GALNT8: variants seen among roughly 807,000 people sequenced by gnomAD.
The protein encoded by GALNT8 is polypeptide N-acetylgalactosaminyltransferase 8.
A neutral mutation model predicts 62.7 loss-of-function variants in GALNT8; 66 were observed. That is an observed-to-expected ratio of 1.05 (90% CI 0.86 to 1.29). The LOEUF (loss-of-function observed/expected upper bound fraction) is 1.29, where lower values mean the gene tolerates loss of function less well. GALNT8 is among the 50% of genes most tolerant of loss of function. GALNT8 has a pLI of 0.00. For synonymous variants in GALNT8, 288 were observed against 294.3 expected (o/e 0.98, Z 0.22); for missense variants, 771 against 791.8 (o/e 0.97, Z 0.32).
chr12:4,729,333 A>G (rs1946210812), intron 2 of GALNT8, among the ~76,000 whole-genome samples: 1 of 152,174 alleles, frequency 6.6e-6, no homozygotes, highest in African/African-American at 2.4e-5. Context: ...ATTGCTATTG[A>G]CAATAGTCAC....
chr12:4,736,049 G>C (rs936496007), intron 2 of GALNT8, among the ~76,000 whole-genome samples: 1 of 152,122 alleles, frequency 6.6e-6, no homozygotes, highest in African/African-American at 2.4e-5. Context: ...AAATTTAACA[G>C]GAAGAATCAG....
chr12:4,747,909 A>T (rs1018360626), intron 6 of GALNT8, among the ~76,000 whole-genome samples: 1 of 152,106 alleles, frequency 6.6e-6, no homozygotes, highest in South Asian at 2.1e-4. Flanking sequence ...GATATAAGCC[A>T]TTTTAACTGG....
intron 3 of GALNT8, among the ~76,000 whole-genome samples, chr12:4,742,730 C>T (rs943810068): frequency 6.6e-6 from 1 of 151,800 alleles, no homozygotes; most frequent in Non-Finnish European, 1.5e-5. Flanking sequence ...GAAACTGGGT[C>T]GGGGTGGAGA....
At position 4,720,695 on chromosome 12, in the gene GALNT8, ACTCCCCAAAGCC is replaced by A; in HGVS notation, c.22_33del (p.Pro8_Leu11del). 6.2e-7 allele frequency: 1 copy of A among 1,610,026 alleles called. No homozygotes were observed. Among genetic ancestry groups the A allele is most frequent in the Non-Finnish European group, 8.5e-7 (1 of 1,177,366 alleles). ...GGAAGAAGATGATGTTTTGGAGGAA[ACTCCCCAAAGCC>A]CTCTTCATTGGGCTGACTCTGGCCA... On this transcript the variant is annotated inframe_deletion, in exon 1 of 11. Coordinates refer to ENST00000252318, the MANE Select transcript of GALNT8 (RefSeq NM_017417.2).
At position 4,739,208 on chromosome 12, in the gene GALNT8, C is replaced by T; in HGVS notation, c.555C>T (p.Val185=). 6.2e-7 allele frequency: 1 copy of T among 1,612,802 alleles called. No homozygotes were observed. Among genetic ancestry groups the T allele is most frequent in the Non-Finnish European group, 8.5e-7 (1 of 1,178,820 alleles). Residue 185 remains valine, a synonymous_variant, in exon 3 of 11, where the codon GTC becomes GTT. Transcript: ENST00000252318. ...CTTCCCAACTCCCATCCCTCAGTGT[C>T]ATTCTCATATTCGTGAATGAAGCTC... ...TYPSQLPSLS[V]ILIFVNEALS...
intron 1 of GALNT8, among the ~76,000 whole-genome samples, chr12:4,725,514 C>A (rs945801478): frequency 2.6e-5 from 4 of 151,882 alleles, no homozygotes; most frequent in Non-Finnish European, 4.4e-5. Context: ...TCAGGGGAGG[C>A]CTGGGATTCT....
chr12:4,727,994 G>A (rs1803527185), intron 2 of GALNT8, among the ~76,000 whole-genome samples: 1 of 152,092 alleles, frequency 6.6e-6, no homozygotes, highest in South Asian at 2.1e-4. Context: ...CAGTATATGA[G>A]AGTTCTGATT....
At position 4,745,467 on chromosome 12, in the gene GALNT8, C is replaced by A. The variant is rs1424527620; in HGVS notation, c.899C>A (p.Thr300Asn). 6.2e-7 allele frequency: 1 copy of A among 1,613,082 alleles called. No homozygotes were observed. The highest frequency in any genetic ancestry group is 1.3e-5 in the African/African-American group (1 of 74,910). Residue 300 changes from threonine (T) to asparagine (N), a missense_variant, in exon 5 of 11, where the codon ACT becomes AAT. Coordinates refer to ENST00000252318, the MANE Select transcript of GALNT8 (RefSeq NM_017417.2). Reference protein sequence around the residue: ...PILARIQEDRTVIVSPVFDNI... With the variant: ...PILARIQEDRNVIVSPVFDNI... ...TTGGCTCGGATTCAGGAGGACCGCA[C>A]TGTGATTGTGTCTCCTGTGTTTGAC...
intron 5 of GALNT8, 22 bp from the exon 6 acceptor site, chr12:4,746,122 A>G: frequency 7.3e-7 from 1 of 1,369,674 alleles, no homozygotes; most frequent in Non-Finnish European, 1.0e-6. Context: ...GAGATTAGTG[A>G]CTCTTGCTGT....
intron 2 of GALNT8, among the ~76,000 whole-genome samples, chr12:4,736,936 G>A (rs1375486206): frequency 6.6e-6 from 1 of 152,098 alleles, no homozygotes; most frequent in African/African-American, 2.4e-5. Flanking sequence ...TATATTCAAA[G>A]CACTAAAGTT....
At chr12:4,756,211 C>T (rs148024213) in intron 6 of GALNT8, among the ~76,000 whole-genome samples, 129 of 152,224 alleles carry the variant, frequency 8.5e-4, no homozygotes, top group East Asian at 4.4e-3. Context: ...GGGGCTGGCC[C>T]GGGGGTTTGT....
chr12:4,721,868 T>C (rs1261564825), intron 1 of GALNT8, among the ~76,000 whole-genome samples: 2 of 152,192 alleles, frequency 1.3e-5, no homozygotes, highest in Non-Finnish European at 2.9e-5. Context: ...CCTTGGACAA[T>C]ACCTGGCTTT....
intron 6 of GALNT8, among the ~76,000 whole-genome samples, chr12:4,758,196 A>G (rs1946353664): frequency 2.6e-5 from 4 of 151,914 alleles, no homozygotes; most frequent in South Asian, 2.1e-4. Context: ...GTGTGAGACT[A>G]TTTGCCTTTT....
At chr12:4,721,176 C>T (rs906056131) in intron 1 of GALNT8, among the ~76,000 whole-genome samples, 6 of 151,978 alleles carry the variant, frequency 3.9e-5, no homozygotes, top group Non-Finnish European at 8.8e-5. Flanking sequence ...TACATATGTG[C>T]AGGCAACGAG....
chr12:4,745,675 G>C lies in GALNT8; in HGVS notation c.1058+49G>C, dbSNP rs1248807721. 3.0e-6 allele frequency: 4 copies of C among 1,323,758 alleles called. No individual in the cohort carries two copies. In the South Asian group the frequency reaches 4.8e-5, roughly 16 times the overall value. 82.0% of individuals were successfully genotyped at this position (1,323,758 alleles called of 1,614,324 possible). ...ACTTGAGTAGCATGTGGGAAGGCAG[G>C]AATGAACTGAATGGATTTTGTTTAT... On this transcript the variant is annotated intron_variant, in intron 5 of 10. Transcript: ENST00000252318.
chr12:4,772,599 C>T lies in GALNT8; in HGVS notation c.*2C>T, dbSNP rs574797072. 4 of 1,610,562 alleles carry T rather than the reference C, an allele frequency of 2.5e-6. No homozygotes were observed. Among genetic ancestry groups the T allele is most frequent in the Admixed American group, 1.7e-5 (1 of 60,018 alleles). On this transcript the variant is annotated 3_prime_UTR_variant, in exon 11 of 11. Transcript: ENST00000252318. ...TGGGGTCAGACCAACAGCCAGTGAT[C>T]CTCAGATGGTGCTGGATCTGGGTCA...
rs369295274 is a variant in GALNT8 at position 4,746,286 on chromosome 12, G to C, written c.1173+28G>C. ...GGGTACATTTCCCTTTTCTTTATGGGACAAAGCAGAAAGGGGAATAATAGA... is the reference window on the plus strand; with the variant it reads ...GGGTACATTTCCCTTTTCTTTATGGCACAAAGCAGAAAGGGGAATAATAGA... On this transcript the variant is annotated intron_variant, in intron 6 of 10. Transcript: ENST00000252318. The C allele has an allele frequency of 5.7e-5, 70 of 1,224,884 alleles. No homozygotes were observed. The African/African-American group carries it at 7.8e-4, about 14-fold the overall frequency. The allele number at this position is 1,224,884 out of a possible 1,614,324, so 75.9% of individuals were successfully genotyped here. A position where few individuals can be genotyped will look rare whatever the true frequency, so the allele number is the denominator to read the frequency against.
intron 2 of GALNT8, among the ~76,000 whole-genome samples, chr12:4,738,867 C>T (rs773504322): frequency 1.8e-4 from 28 of 152,056 alleles, no homozygotes; most frequent in Non-Finnish European, 4.0e-4. Context: ...AGCAAGGAAA[C>T]TAATCCGGGT....
rs537241352 is a variant in GALNT8 at position 4,763,718 on chromosome 12, T to C, written c.1498-234T>C. ...GCGCCCCTCCCTGTGTGTGTGGTGA[T>C]GGGCTGAGGTGATGGGTGTTTCCCG... On this transcript the variant is annotated intron_variant, in intron 8 of 10. Coordinates refer to ENST00000252318, the MANE Select transcript of GALNT8 (RefSeq NM_017417.2). 1.7e-4 allele frequency among the ~76,000 whole-genome samples: 26 copies of C among 149,734 alleles called. No individual in the cohort carries two copies. In the South Asian group the frequency reaches 5.6e-3, roughly 32 times the overall value.
Sources: allele counts gnomAD v4.1 joint callset (sites outside exome capture counted in the v4.1 genomes callset), GRCh38; gene constraint gnomAD v4.1.1; transcripts MANE v1.5; gene names NCBI Gene and HGNC (gene_info 2026-07-23, HGNC 2026-07-21).